Variants in MAGI2 observed in about 807,000 individuals in gnomAD.
The protein encoded by MAGI2 is membrane associated guanylate kinase, WW and PDZ domain containing 2, also known as membrane-associated guanylate kinase, WW and PDZ domain-containing protein 2.
A neutral mutation model predicts 133.3 loss-of-function variants in MAGI2; 35 were observed. That is an observed-to-expected ratio of 0.26 (90% CI 0.20 to 0.35). MAGI2 has a LOEUF of 0.35. Among genes scored for constraint, MAGI2 ranks in the 10% least tolerant of loss-of-function variants. The pLI, the probability that MAGI2 is intolerant of heterozygous loss-of-function variation, is 1.00. For missense variants in MAGI2, 1,636 were observed against 1,863.4 expected (o/e 0.88, Z 2.25); for synonymous variants, 729 against 710.6 (o/e 1.03, Z -0.41).
At chr7:78,282,367 T>C (rs1006245180) in intron 9 of MAGI2, among the ~76,000 whole-genome samples, 12 of 152,116 alleles carry the variant, frequency 7.9e-5, no homozygotes, top group Non-Finnish European at 1.6e-4. Context: ...CTGTGACAAG[T>C]AGGCAAACCC....
intron 2 of MAGI2, among the ~76,000 whole-genome samples, chr7:78,974,798 A>C (rs971756698): frequency 4.0e-5 from 6 of 151,814 alleles, no homozygotes; most frequent in African/African-American, 1.4e-4. Context: ...GTATGGCTTA[A>C]AAATATAAAT....
intron 2 of MAGI2, among the ~76,000 whole-genome samples, chr7:78,981,595 A>G (rs1168699486): frequency 6.6e-6 from 1 of 151,912 alleles, no homozygotes; most frequent in East Asian, 1.9e-4. Context: ...TCTTAGATAT[A>G]TTAATCTTGC....
intron 21 of MAGI2, among the ~76,000 whole-genome samples, chr7:78,038,680 C>G (rs975598239): frequency 1.3e-5 from 2 of 152,134 alleles, no homozygotes; most frequent in Non-Finnish European, 2.9e-5. Flanking sequence ...CACAATTTAG[C>G]CTGTGAGTTC....
chr7:79,436,242 A>AT (rs1344636148), intron 1 of MAGI2, among the ~76,000 whole-genome samples: 4 of 151,286 alleles, frequency 2.6e-5, no homozygotes, highest in African/African-American at 9.7e-5. Context: ...AAAAAAAAAA[A>AT]GTCCTTGAAG....
chr7:78,713,816 C>T (rs773855249), intron 2 of MAGI2, among the ~76,000 whole-genome samples: 7 of 152,084 alleles, frequency 4.6e-5, no homozygotes, highest in African/African-American at 1.7e-4. Flanking sequence ...GCATACAGAA[C>T]GTTTTACCTC....
At chr7:78,125,174 T>C (rs1820860528) in intron 20 of MAGI2, among the ~76,000 whole-genome samples, 1 of 152,114 alleles carries the variant, frequency 6.6e-6, no homozygotes, top group South Asian at 2.1e-4. Flanking sequence ...CCTGCTGTCA[T>C]TTTTAAGAAC....
Position 78,108,003 on chromosome 7 carries a change from T to C in MAGI2, c.3567+17691A>G, listed in dbSNP as rs530419763. Among the ~76,000 whole-genome samples the C allele has an allele frequency of 6.4e-4, 98 of 152,034 alleles. 1 individual carries two copies. The highest frequency in any genetic ancestry group is 2.2e-3 in the African/African-American group (92 of 41,554). ...CTGCTCTGATCTTTATTATTTCCTT[T>C]CTTCTACTAATTTTGGGTTTGATTT... On this transcript the variant is annotated intron_variant, in intron 20 of 21. Transcript: ENST00000354212.
At chr7:79,068,578 G>A (rs1397285365) in intron 1 of MAGI2, among the ~76,000 whole-genome samples, 1 of 151,920 alleles carries the variant, frequency 6.6e-6, no homozygotes, top group African/African-American at 2.4e-5. Context: ...TTTTTTGTGT[G>A]TGTATCTCTT....
chr7:78,604,125 T>C (rs1805524957), intron 3 of MAGI2, among the ~76,000 whole-genome samples: 2 of 152,228 alleles, frequency 1.3e-5, no homozygotes, highest in South Asian at 2.1e-4. Context: ...GACCATTTTA[T>C]TGATGAAACA....
intron 9 of MAGI2, among the ~76,000 whole-genome samples, chr7:78,261,768 A>G (rs1047219676): frequency 2.6e-5 from 4 of 152,184 alleles, no homozygotes; most frequent in South Asian, 2.1e-4. Flanking sequence ...CTCTCGGTTA[A>G]TAAGATTTGA....
At chr7:79,353,487 G>A (rs1841824173) in intron 1 of MAGI2, 1 of 456,004 alleles carries the variant, frequency 2.2e-6, no homozygotes, top group Non-Finnish European at 4.4e-6. Context: ...CCGCCCTGGT[G>A]TGTGCCCTTT....
chr7:79,041,047 A>C (rs1024353900), intron 1 of MAGI2, among the ~76,000 whole-genome samples: 1 of 152,306 alleles, frequency 6.6e-6, no homozygotes, highest in South Asian at 2.1e-4. Context: ...AAGTACTCTA[A>C]TTTGATCATT....
chr7:78,600,044 G>GT (rs1309939155), intron 3 of MAGI2, among the ~76,000 whole-genome samples: 1 of 152,102 alleles, frequency 6.6e-6, no homozygotes, highest in Non-Finnish European at 1.5e-5. Flanking sequence ...AGTTGACCTT[G>GT]TAAAATGTTT....
chr7:78,950,170 C>T (rs915041678), intron 2 of MAGI2, among the ~76,000 whole-genome samples: 1 of 152,074 alleles, frequency 6.6e-6, no homozygotes, highest in Admixed American at 6.6e-5. Context: ...CAGCTGGCTG[C>T]TCATCTTATC....
chr7:78,859,141 G>T (rs553731886), intron 2 of MAGI2, among the ~76,000 whole-genome samples: 1 of 151,772 alleles, frequency 6.6e-6, no homozygotes, highest in African/African-American at 2.4e-5. Context: ...GTCTCTGCAC[G>T]TGAGATGGGT....
chr7:79,092,379 C>A (rs187110303), intron 1 of MAGI2, among the ~76,000 whole-genome samples: 1 of 152,144 alleles, frequency 6.6e-6, no homozygotes, highest in East Asian at 1.9e-4. Context: ...GGATAAAGTT[C>A]TTGAATAATC....
chr7:78,369,643 C>A (rs1281450772), intron 6 of MAGI2, among the ~76,000 whole-genome samples: 1 of 151,996 alleles, frequency 6.6e-6, no homozygotes, highest in Non-Finnish European at 1.5e-5. Flanking sequence ...ATGACTGAAA[C>A]AAAGACATTA....
At chr7:78,594,831 C>T (rs1005192940) in intron 3 of MAGI2, among the ~76,000 whole-genome samples, 1 of 152,074 alleles carries the variant, frequency 6.6e-6, no homozygotes, top group African/African-American at 2.4e-5. Flanking sequence ...CCCCAAACCT[C>T]CATAATTTAG....
At chr7:79,114,276 C>T (rs1015731935) in intron 1 of MAGI2, among the ~76,000 whole-genome samples, 2 of 152,178 alleles carry the variant, frequency 1.3e-5, no homozygotes, top group African/African-American at 4.8e-5. Context: ...CCTCCTTACT[C>T]TATGAAGGAT....
Sources: gnomAD v4.1 joint callset for allele counts (sites outside exome capture counted in the v4.1 genomes callset) on GRCh38, gnomAD v4.1.1 for gene constraint, MANE v1.5 for transcripts, NCBI Gene and HGNC (gene_info 2026-07-23, HGNC 2026-07-21) for gene names.